BDH1: variants seen among roughly 807,000 people sequenced by gnomAD.
BDH1 encodes the protein 3-hydroxybutyrate dehydrogenase 1.
A neutral mutation model predicts 33.1 loss-of-function variants in BDH1; 30 were observed. That is an observed-to-expected ratio of 0.91 (90% CI 0.68 to 1.23). BDH1 has a LOEUF of 1.23. Ranked by LOEUF, BDH1 falls within the 50% of genes most tolerant of loss-of-function variation. The pLI, the probability that BDH1 is intolerant of heterozygous loss-of-function variation, is 0.00. For synonymous variants in BDH1, 190 were observed against 183.6 expected (o/e 1.03, Z -0.28); for missense variants, 443 against 464.4 (o/e 0.95, Z 0.42).
At chr3:197,545,725 G>A (rs150638326) in intron 3 of BDH1, among the ~76,000 whole-genome samples, 357 of 152,348 alleles carry the variant, frequency 2.3e-3, no homozygotes, top group African/African-American at 8.0e-3. Context: ...ATTGCAGTAT[G>A]GTTTTGTAAG....
chr3:197,534,688 C>T (rs910384525), intron 3 of BDH1, among the ~76,000 whole-genome samples: 3 of 152,124 alleles, frequency 2.0e-5, no homozygotes, highest in African/African-American at 7.2e-5. Flanking sequence ...ACGCTACAGC[C>T]CCAGTGGCAG....
chr3:197,537,369 T>G (rs1319534498), intron 3 of BDH1, among the ~76,000 whole-genome samples: 1 of 152,254 alleles, frequency 6.6e-6, no homozygotes, highest in African/African-American at 2.4e-5. Context: ...GTGTGTTATC[T>G]TGTATCTTGT....
chr3:197,521,100 G>A lies in BDH1; in HGVS notation c.409+1540C>T, dbSNP rs965364393. On this transcript the variant is annotated intron_variant, in intron 6 of 7. Coordinates refer to ENST00000392379, the MANE Select transcript of BDH1 (RefSeq NM_203314.3). The surrounding 1 kb of genome is among the most constrained non-coding windows in gnomAD (Gnocchi z 4.9). ...GGATCTGGTCACTCCTGCCTTTTCCGCCTCCTTCCCCAGCCACTGAAGTAG... is the reference window on the plus strand; with the variant it reads ...GGATCTGGTCACTCCTGCCTTTTCCACCTCCTTCCCCAGCCACTGAAGTAG... 2.0e-5 allele frequency among the ~76,000 whole-genome samples: 3 copies of A among 152,250 alleles called. No homozygotes were observed. Among genetic ancestry groups the A allele is most frequent in the South Asian group, 2.1e-4 (1 of 4,828 alleles).
Position 197,514,522 on chromosome 3 carries a change from C to T in BDH1, c.410-106G>A. ...TCTCTGCTTCTTTCCTGTGACTTCC[C>T]AGCCTCTCGCCCAGTGCTCTCAAGA... On this transcript the variant is annotated intron_variant, in intron 6 of 7. Transcript: ENST00000392379. This position sits in a 1 kb window ranked among gnomAD's most constrained non-coding sequence, Gnocchi z 4.2. 7.6e-7 allele frequency: 1 copy of T among 1,315,828 alleles called. No individual in the cohort carries two copies. Among genetic ancestry groups the T allele is most frequent in the East Asian group, 2.5e-5 (1 of 40,400 alleles). The allele number at this position is 1,315,828 out of a possible 1,614,324, so 81.5% of individuals were successfully genotyped here. A position where few individuals can be genotyped will look rare whatever the true frequency, so the allele number is the denominator to read the frequency against.
intron 3 of BDH1, among the ~76,000 whole-genome samples, chr3:197,540,447 A>AT (rs374185257): frequency 0.092 from 13,590 of 148,186 alleles, 776 homozygotes; most frequent in African/African-American, 0.15. Flanking sequence ...AGGCGGGCAG[A>AT]CACTTGAGGC....
chr3:197,546,609 C>T (rs1386568308), intron 2 of BDH1, 123 bp from the exon 3 acceptor site: 2 of 618,920 alleles, frequency 3.2e-6, no homozygotes, highest in Non-Finnish European at 5.7e-6. Context: ...CAGCTCCAGT[C>T]CTGGTACCAC....
chr3:197,541,788 C>G (rs1715648531), intron 3 of BDH1, among the ~76,000 whole-genome samples: 1 of 152,148 alleles, frequency 6.6e-6, no homozygotes, highest in Non-Finnish European at 1.5e-5. Flanking sequence ...GGTTCAATAC[C>G]ACTGCCCTAC....
rs751249430 is a variant in BDH1, at chr3:197,512,121, C to T, written c.806G>A (p.Arg269His). Residue 269 changes from arginine to histidine, a missense_variant, in exon 8 of 8, where the codon CGC becomes CAC. Arg to His is a conservative substitution (Grantham distance 29). Transcript: ENST00000392379. ...AAAGTACTTCTTGCCGTAGTCCTTG[C>T]GCACGACCTCAGGCAGCTCCTCCCA... Reference protein sequence around the residue: ...KMWEELPEVVRKDYGKKYFDE... With the variant: ...KMWEELPEVVHKDYGKKYFDE... 2.5e-6 allele frequency: 4 copies of T among 1,614,196 alleles called. No individual in the cohort carries two copies. The highest frequency in any genetic ancestry group is 1.1e-5 in the South Asian group (1 of 91,088).
chr3:197,550,801 C>A (rs770878197), intron 2 of BDH1, among the ~76,000 whole-genome samples: 3 of 152,160 alleles, frequency 2.0e-5, no homozygotes, highest in Non-Finnish European at 4.4e-5. Context: ...TCCCATCTGC[C>A]CCCCAGCTCC....
intron 1 of BDH1, among the ~76,000 whole-genome samples, chr3:197,569,862 G>A (rs1717552356): frequency 6.6e-6 from 1 of 152,202 alleles, no homozygotes; most frequent in Non-Finnish European, 1.5e-5. Flanking sequence ...TGGTAGAGTG[G>A]GGCACTGCTG....
Position 197,520,567 on chromosome 3 carries a change from C to G in BDH1, c.409+2073G>C, listed in dbSNP as rs957716825. Among the ~76,000 whole-genome samples, 3 of 152,062 alleles carry G rather than the reference C, an allele frequency of 2.0e-5. No homozygotes were observed. Among genetic ancestry groups the G allele is most frequent in the African/African-American group, 7.2e-5 (3 of 41,384 alleles). ...GGGGCAGGGGACGAGGACCGCCAGC[C>G]TGAGCAAGCCGGCCTGGTGCGTTCT... On this transcript the variant is annotated intron_variant, in intron 6 of 7. Coordinates refer to ENST00000392379, the MANE Select transcript of BDH1 (RefSeq NM_203314.3). This position sits in a 1 kb window ranked among gnomAD's most constrained non-coding sequence, Gnocchi z 6.0.
rs772762375 is a variant in BDH1 at position 197,520,607 on chromosome 3, G to A, written c.409+2033C>T. On this transcript the variant is annotated intron_variant, in intron 6 of 7. Transcript: ENST00000392379. The surrounding 1 kb of genome is among the most constrained non-coding windows in gnomAD (Gnocchi z 6.0). ...TGGTGCGTTCTCTGCTTGGGTCTCC[G>A]GTGATGACGCCTTTCCACGGGCATT... Among the ~76,000 whole-genome samples the A allele has an allele frequency of 4.6e-5, 7 of 152,138 alleles. No individual in the cohort carries two copies. Among genetic ancestry groups the A allele is most frequent in the South Asian group, 2.1e-4 (1 of 4,818 alleles).
intron 3 of BDH1, chr3:197,543,172 G>A (rs1406181114): frequency 1.0e-6 from 1 of 985,298 alleles, no homozygotes; most frequent in Admixed American, 6.1e-5. Context: ...AATCTAACAA[G>A]ACGGGGCTTA....
intron 6 of BDH1, among the ~76,000 whole-genome samples, chr3:197,518,996 G>A (rs1321879551): frequency 4.4e-5 from 1 of 22,562 alleles, no homozygotes; most frequent in Non-Finnish European, 7.5e-5. Context: ...CCCTCAGGCC[G>A]ACCCCCCAAT....
chr3:197,538,961 A>C (rs1715373386), intron 3 of BDH1: 1 of 152,368 alleles, frequency 6.6e-6, no homozygotes, highest in African/African-American at 2.4e-5. Flanking sequence ...CTCTGCAGAA[A>C]GAATGAGAAG....
chr3:197,570,544 C>A (rs1175901169), intron 1 of BDH1, among the ~76,000 whole-genome samples: 1 of 152,204 alleles, frequency 6.6e-6, no homozygotes, highest in Non-Finnish European at 1.5e-5. Context: ...GGACTTGGCA[C>A]CCTACGTCCC....
intron 3 of BDH1, among the ~76,000 whole-genome samples, chr3:197,541,391 C>A (rs535105748): frequency 3.9e-5 from 6 of 152,314 alleles, no homozygotes; most frequent in Admixed American, 1.3e-4. Flanking sequence ...GAAATGTGAT[C>A]ATGGTCGTGT....
intron 2 of BDH1, 54 bp from the exon 3 acceptor site, chr3:197,546,540 A>C: frequency 8.1e-7 from 1 of 1,228,146 alleles, no homozygotes; most frequent in East Asian, 2.3e-5. Flanking sequence ...GGCTTTAATC[A>C]GGAGCAGTCA....
rs866316243 is a variant in BDH1 at position 197,511,644 on chromosome 3, G to A, written c.*251C>T. ...AAAATCTCTGTATGAAATTATCTCC[G>A]GAGAGATAGATTCACCATGTTTGCC... is the stretch of plus-strand genomic sequence containing the variant. On this transcript the variant is annotated 3_prime_UTR_variant, in exon 8 of 8. Transcript: ENST00000392379. 8 of 432,854 alleles carry A rather than the reference G, an allele frequency of 1.8e-5. No individual in the cohort carries two copies. The highest frequency in any genetic ancestry group is 8.1e-5 in the African/African-American group (4 of 49,336). The allele number at this position is 432,854 out of a possible 1,614,324, so 26.8% of individuals were successfully genotyped here.
Sources: allele counts gnomAD v4.1 joint callset (sites outside exome capture counted in the v4.1 genomes callset), GRCh38; gene constraint gnomAD v4.1.1; non-coding constraint Gnocchi (gnomAD v3.1); transcripts MANE v1.5; gene names NCBI Gene and HGNC (gene_info 2026-07-23, HGNC 2026-07-21).